The following CDC73 variants were observed in gnomAD, a reference collection of about 807,000 sequenced individuals.
CDC73 encodes the protein cell division cycle 73.
In CDC73, 21 loss-of-function variants were observed where a neutral mutation model predicts 83.7. The observed-to-expected ratio is 0.25, with a 90% confidence interval of 0.18 to 0.36. The LOEUF is 0.36. Ranked by LOEUF, CDC73 falls within the 10% of genes least tolerant of loss-of-function variation. CDC73 has a pLI of 1.00. For missense variants in CDC73, 342 were observed against 653.3 expected (o/e 0.52, Z 5.19); for synonymous variants, 224 against 212.9 (o/e 1.05, Z -0.45).
chr1:193,185,264 T>C (rs1676785670), intron 10 of CDC73, among the ~76,000 whole-genome samples: 2 of 152,118 alleles, frequency 1.3e-5, no homozygotes, highest in Non-Finnish European at 2.9e-5. Context: ...TTACATAAAA[T>C]GTAAGCTATT....
rs543685980 is a variant in CDC73, at chr1:193,203,974, G to A, written c.1030+122G>A. On this transcript the variant is annotated intron_variant, in intron 11 of 16. Coordinates refer to ENST00000367435, the MANE Select transcript of CDC73 (RefSeq NM_024529.5). Reference sequence around the variant, plus strand: ...TACTTAAAATACATTGCAAAGTCATGTTTCTTTGAAGACTGTCGATACTGT... The same window carrying A: ...TACTTAAAATACATTGCAAAGTCATATTTCTTTGAAGACTGTCGATACTGT... 5.1e-4 allele frequency: 409 copies of A among 802,466 alleles called. 2 individuals are homozygous for A. The African/African-American group carries it at 6.4e-3, about 13-fold the overall frequency. 49.7% of individuals were successfully genotyped at this position (802,466 alleles called of 1,614,324 possible).
At chr1:193,166,955 G>T (rs921481526) in intron 10 of CDC73, among the ~76,000 whole-genome samples, 9 of 152,092 alleles carry the variant, frequency 5.9e-5, no homozygotes, top group Non-Finnish European at 1.2e-4. Flanking sequence ...GGGTGTGAGG[G>T]AACATTTTGC....
intron 9 of CDC73, among the ~76,000 whole-genome samples, chr1:193,151,540 A>G (rs186122382): frequency 6.6e-6 from 1 of 152,320 alleles, no homozygotes; most frequent in East Asian, 1.9e-4. Context: ...TAAGGCTTGC[A>G]ATGTGTTAAA....
chr1:193,170,262 G>T (rs1447545828), intron 10 of CDC73, among the ~76,000 whole-genome samples: 1 of 152,124 alleles, frequency 6.6e-6, no homozygotes, highest in Non-Finnish European at 1.5e-5. Context: ...ATATACGCAT[G>T]CATGTGTCTT....
intron 10 of CDC73, among the ~76,000 whole-genome samples, chr1:193,171,799 T>G (rs1182797037): frequency 6.6e-6 from 1 of 152,196 alleles, no homozygotes; most frequent in African/African-American, 2.4e-5. Context: ...TGGAAATCTT[T>G]GGAGAACCAT....
At chr1:193,136,586 T>A in intron 5 of CDC73, 1 of 213,548 alleles carries the variant, frequency 4.7e-6, no homozygotes, top group Admixed American at 4.4e-5. Flanking sequence ...GCGAATAGGC[T>A]CAGACAGAGT....
intron 15 of CDC73, among the ~76,000 whole-genome samples, chr1:193,238,328 A>G (rs761981517): frequency 2.6e-5 from 4 of 151,964 alleles, no homozygotes; most frequent in African/African-American, 4.8e-5. Context: ...TTTTCCTTTT[A>G]TAGCTGCACT....
At position 193,194,414 on chromosome 1, in the gene CDC73, C is replaced by T. The variant is rs563564410; in HGVS notation, c.973-9381C>T. ...AAGACTTACAGATCAACTTTTTTCA[C>T]GCTGATTAACACTTCTGGTTATTTG... On this transcript the variant is annotated intron_variant, in intron 10 of 16. Coordinates refer to ENST00000367435, the MANE Select transcript of CDC73 (RefSeq NM_024529.5). 1.3e-4 allele frequency among the ~76,000 whole-genome samples: 20 copies of T among 152,216 alleles called. No individual in the cohort carries two copies. In the East Asian group the frequency reaches 2.5e-3, roughly 19 times the overall value.
intron 10 of CDC73, among the ~76,000 whole-genome samples, chr1:193,194,628 A>G (rs1029848093): frequency 1.3e-5 from 2 of 152,164 alleles, no homozygotes; most frequent in Non-Finnish European, 2.9e-5. Context: ...AGATCATTAT[A>G]GACTTTGATA....
chr1:193,132,501 TGGG>T (rs1266175723), intron 3 of CDC73, among the ~76,000 whole-genome samples: 1 of 151,790 alleles, frequency 6.6e-6, no homozygotes, highest in Non-Finnish European at 1.5e-5. Context: ...CTTTCAGAGA[TGGG>T]GTCTCGCTAC....
At chr1:193,165,859 A>G (rs896029140) in intron 10 of CDC73, among the ~76,000 whole-genome samples, 2 of 152,180 alleles carry the variant, frequency 1.3e-5, no homozygotes, top group African/African-American at 2.4e-5. Flanking sequence ...CCATTTTTAT[A>G]TGTGCCCTTA....
chr1:193,178,724 C>A (rs1477178917), intron 10 of CDC73, among the ~76,000 whole-genome samples: 2 of 152,156 alleles, frequency 1.3e-5, no homozygotes, highest in African/African-American at 2.4e-5. Flanking sequence ...TTACATAGAT[C>A]AGCTCTCAGA....
At chr1:193,213,389 C>G (rs1424976234) in intron 13 of CDC73, among the ~76,000 whole-genome samples, 1 of 149,594 alleles carries the variant, frequency 6.7e-6, no homozygotes, top group South Asian at 2.1e-4. Flanking sequence ...TTTAGTCATA[C>G]TCATTGTTAA....
intron 10 of CDC73, among the ~76,000 whole-genome samples, chr1:193,201,387 G>A (rs768533415): frequency 1.6e-4 from 24 of 152,112 alleles, no homozygotes; most frequent in Non-Finnish European, 3.4e-4. Context: ...CTTTTCTTGC[G>A]TTATAGCTTA....
chr1:193,135,497 T>G (rs759510175), intron 4 of CDC73, 40 bp from the exon 5 acceptor site: 14 of 1,610,092 alleles, frequency 8.7e-6, no homozygotes, highest in Non-Finnish European at 1.2e-5. Flanking sequence ...AGAAGCCCAT[T>G]CCAAAACTAC....
intron 13 of CDC73, among the ~76,000 whole-genome samples, chr1:193,232,260 A>C (rs942280702): frequency 2.0e-5 from 3 of 152,142 alleles, no homozygotes; most frequent in Admixed American, 6.5e-5. Context: ...AGTTTTATGA[A>C]GCTCCTGGAT....
At position 193,127,819 on chromosome 1, in the gene CDC73, A is replaced by ATTTTTTTTT. The variant is rs11374560; in HGVS notation, c.238-2343_238-2335dup. The ATTTTTTTTT allele has an allele frequency of 1.7e-5, 2 of 117,840 alleles. 1 individual carries two copies. The highest frequency in any genetic ancestry group is 6.6e-5 in the African/African-American group (2 of 30,520). The allele number at this position is 117,840 out of a possible 1,614,324, so 7.3% of individuals were successfully genotyped here. On this transcript the variant is annotated intron_variant, in intron 2 of 16. Coordinates refer to ENST00000367435, the MANE Select transcript of CDC73 (RefSeq NM_024529.5). The stretch of plus-strand genomic sequence containing the variant: ...GCTCTTTCCTGTGCGCAGACCACTC[A>ATTTTTTTTT]TTTTTTTTTTTTTTTTTTTTGAGTG...
chr1:193,135,603 A>G lies in CDC73; in HGVS notation c.423+14A>G, dbSNP rs1336942392. 2 of 1,556,710 alleles carry G rather than the reference A, an allele frequency of 1.3e-6. No individual in the cohort carries two copies. The highest frequency in any genetic ancestry group is 1.4e-5 in the African/African-American group (1 of 73,368). ...CCACGAATTGAGGTAAAGAAACTGTATTTTAAACAATTTTATTTATATTGT... is the reference window on the plus strand; with the variant it reads ...CCACGAATTGAGGTAAAGAAACTGTGTTTTAAACAATTTTATTTATATTGT... On this transcript the variant is annotated intron_variant, in intron 5 of 16. Transcript: ENST00000367435.
Position 193,219,476 on chromosome 1 carries a change from A to G in CDC73, c.1154+6999A>G, listed in dbSNP as rs185038912. 1.7e-3 allele frequency among the ~76,000 whole-genome samples: 266 copies of G among 152,348 alleles called. 1 individual carries two copies. Among genetic ancestry groups the G allele is most frequent in the South Asian group, 6.0e-3 (29 of 4,826 alleles). On this transcript the variant is annotated intron_variant, in intron 13 of 16. Transcript: ENST00000367435. The stretch of plus-strand genomic sequence containing the variant: ...ATTGTGGCACGTTTTACAATATTAA[A>G]GACATGGAATCAACCAAAATTTCCA...
Sources: allele counts gnomAD v4.1 joint callset (sites outside exome capture counted in the v4.1 genomes callset), GRCh38; gene constraint gnomAD v4.1.1; transcripts MANE v1.5; gene names NCBI Gene and HGNC (gene_info 2026-07-23, HGNC 2026-07-21).